Variants in NCOR2 observed in about 807,000 individuals in gnomAD.
NCOR2 encodes the protein CTG repeat protein 26.
In NCOR2, 81 loss-of-function variants were observed where a neutral mutation model predicts 262.9. The ratio of observed to expected loss-of-function variants is 0.31; its 90% CI spans 0.26 to 0.37. The LOEUF (loss-of-function observed/expected upper bound fraction) is 0.37, where lower values mean the gene tolerates loss of function less well. NCOR2 is among the 10% of genes least tolerant of loss of function. The pLI, the probability that NCOR2 is intolerant of heterozygous loss-of-function variation, is 1.00. For synonymous variants in NCOR2, 1,659 were observed against 1,559.3 expected (o/e 1.06, Z -1.51); for missense variants, 3,385 against 3,621.4 (o/e 0.93, Z 1.68).
chr12:124,362,222 G>A (rs1172671166), exon 22 of NCOR2: 1 of 1,311,712 alleles, frequency 7.6e-7, no homozygotes, highest in Non-Finnish European at 9.7e-7. Context: ...AGGTTTTGCG[G>A]TGGCGGTGGG....
chr12:124,455,807 T>C (rs1007630816), intron 6 of NCOR2, among the ~76,000 whole-genome samples: 3 of 152,224 alleles, frequency 2.0e-5, no homozygotes, highest in Non-Finnish European at 4.4e-5. Flanking sequence ...GGTCAGCCCC[T>C]TTCCTAAGGC....
intron 1 of NCOR2, among the ~76,000 whole-genome samples, chr12:124,558,344 G>A (rs1358782665): frequency 7.1e-6 from 1 of 141,492 alleles, no homozygotes; most frequent in Non-Finnish European, 1.5e-5. Flanking sequence ...GGAGGCCACA[G>A]GTGGGCAGAT....
chr12:124,325,527 C>A (rs748010582), exon 47 of NCOR2: 51 of 1,350,960 alleles, frequency 3.8e-5, no homozygotes, highest in Non-Finnish European at 4.8e-5. Context: ...GGTGGGGAAG[C>A]CATGACACCC....
At chr12:124,385,368 G>A (rs573129872) in intron 17 of NCOR2, among the ~76,000 whole-genome samples, 8 of 152,298 alleles carry the variant, frequency 5.3e-5, no homozygotes, top group East Asian at 3.9e-4. Flanking sequence ...ATTTGCCTCC[G>A]GGTCCTCATT....
intron 38 of NCOR2, 87 bp from the exon 41 acceptor site, chr12:124,335,719 AC>A (rs1208558996): frequency 3.4e-6 from 5 of 1,458,830 alleles, no homozygotes; most frequent in Non-Finnish European, 3.6e-6. Context: ...GCTGGCTGGG[AC>A]CCCGGGGGGG....
chr12:124,346,992 T>C lies in NCOR2; in HGVS notation c.4073-142A>G, dbSNP rs1283481862. 4 of 1,013,498 alleles carry C rather than the reference T, an allele frequency of 3.9e-6. No homozygotes were observed. In the African/African-American group the frequency reaches 6.7e-5, roughly 17 times the overall value. 62.8% of individuals were successfully genotyped at this position (1,013,498 alleles called of 1,614,324 possible). A position where few individuals can be genotyped will look rare whatever the true frequency, so the allele number is the denominator to read the frequency against. On this transcript the variant is annotated intron_variant, in intron 30 of 46. Coordinates refer to ENST00000405201, the Ensembl canonical transcript of NCOR2. ...GACCTTGACCAGGAAATCTGACCTCTCTGGGCCTCAGCTTCTTCACACATA... is the reference window on the plus strand; with the variant it reads ...GACCTTGACCAGGAAATCTGACCTCCCTGGGCCTCAGCTTCTTCACACATA...
At chr12:124,499,071 G>A (rs566449792), upstream of NCOR2, among the ~76,000 whole-genome samples, 8 of 152,342 alleles carry the variant, frequency 5.3e-5, no homozygotes, top group East Asian at 1.5e-3. Context: ...AGGCGGGTGT[G>A]CAGCACTGCG....
At chr12:124,402,281 T>TC in intron 14 of NCOR2, 123 bp downstream of exon 16, 3 of 1,521,404 alleles carry the variant, frequency 2.0e-6, no homozygotes, top group Middle Eastern at 2.4e-4. Flanking sequence ...CAGAAAGCCC[T>TC]CCCCCCTGCT....
intron 1 of NCOR2, among the ~76,000 whole-genome samples, chr12:124,546,653 T>C (rs1049837317): frequency 2.0e-5 from 3 of 152,090 alleles, no homozygotes; most frequent in Admixed American, 6.6e-5. Flanking sequence ...GGCCTCGAGA[T>C]CCACCCACCT....
chr12:124,520,164 G>C (rs1305361727), intron 1 of NCOR2, among the ~76,000 whole-genome samples: 1 of 152,180 alleles, frequency 6.6e-6, no homozygotes, highest in Non-Finnish European at 1.5e-5. Context: ...AACACCCCTG[G>C]GGGGTTTCCG....
intron 3 of NCOR2, among the ~76,000 whole-genome samples, chr12:124,479,832 G>A (rs2047344096): frequency 1.3e-5 from 2 of 152,226 alleles, no homozygotes; most frequent in South Asian, 2.1e-4. Flanking sequence ...GCAGGCATGG[G>A]GTGCACTCCC....
intron 34 of NCOR2, among the ~76,000 whole-genome samples, chr12:124,341,118 C>T (rs895909770): frequency 6.6e-6 from 1 of 152,210 alleles, no homozygotes; most frequent in Admixed American, 6.5e-5. Flanking sequence ...TCCAGCTGAG[C>T]CCCAGCTAGA....
At position 124,420,646 on chromosome 12, in the gene NCOR2, G is replaced by A. The variant is rs566180330; in HGVS notation, c.1384-591C>T. 3.3e-5 allele frequency among the ~76,000 whole-genome samples: 5 copies of A among 152,312 alleles called. No individual in the cohort carries two copies. In the South Asian group the frequency reaches 6.2e-4, roughly 19 times the overall value. ...TCCATGTAGATTGGGTCTGAAAGCCGGAGCAACCAGCCCTCCATGAACCCC... is the reference window on the plus strand; with the variant it reads ...TCCATGTAGATTGGGTCTGAAAGCCAGAGCAACCAGCCCTCCATGAACCCC... On this transcript the variant is annotated intron_variant, in intron 12 of 46. Transcript: ENST00000405201.
At position 124,517,876 on chromosome 12, in the gene NCOR2, G is replaced by A. The variant is rs927081163; in HGVS notation, c.-118+17689C>T. ...CCACCATCCCGCTGAGCTCAGGGCC[G>A]ACAACACTGCGCTGCCAGGGGAGGG... On this transcript the variant is annotated intron_variant, in intron 1 of 46. Coordinates refer to the NCOR2 transcript ENST00000404621. The surrounding 1 kb of genome is among the most constrained non-coding windows in gnomAD (Gnocchi z 7.6). Among the ~76,000 whole-genome samples, 6 of 152,322 alleles carry A rather than the reference G, an allele frequency of 3.9e-5. No homozygotes were observed. In the East Asian group the frequency reaches 5.8e-4, roughly 15 times the overall value.
intron 1 of NCOR2, among the ~76,000 whole-genome samples, chr12:124,565,843 A>G (rs550559942): frequency 6.6e-6 from 1 of 152,270 alleles, no homozygotes; most frequent in Non-Finnish European, 1.5e-5. Flanking sequence ...GTCAGAGTCA[A>G]ACCCCAGGAG....
At chr12:124,419,431 T>C (rs1186941648) in intron 13 of NCOR2, among the ~76,000 whole-genome samples, 1 of 152,222 alleles carries the variant, frequency 6.6e-6, no homozygotes, top group African/African-American at 2.4e-5. Flanking sequence ...AGTCCCAGTC[T>C]GCCAGCCTCT....
At chr12:124,354,891 G>T (rs764345636) in exon 25 of NCOR2, 1 of 1,612,182 alleles carries the variant, frequency 6.2e-7, no homozygotes, top group Non-Finnish European at 8.5e-7. Flanking sequence ...GGGCCCACCG[G>T]GGCCTTGGCA....
chr12:124,363,608 TTC>T lies in NCOR2; in HGVS notation c.2928+69_2928+70del, dbSNP rs1292496100. 2.2e-5 allele frequency: 28 copies of T among 1,286,820 alleles called. No individual in the cohort carries two copies. In the East Asian group the frequency reaches 3.4e-4, roughly 16 times the overall value. The allele number at this position is 1,286,820 out of a possible 1,614,324, so 79.7% of individuals were successfully genotyped here. On this transcript the variant is annotated intron_variant, in intron 21 of 46. Coordinates refer to ENST00000405201, the Ensembl canonical transcript of NCOR2. ...CAGGTGCATGCTCCCGCCCGTGGGA[TTC>T]TCTGTCTCAATGAATGGGAAAGTCA...
exon 47 of NCOR2, chr12:124,325,468 G>C (rs766809851): frequency 2.2e-6 from 3 of 1,350,766 alleles, no homozygotes; most frequent in Non-Finnish European, 2.9e-6. Flanking sequence ...CGTCCCAGGC[G>C]TGGTGGGGGC....
Sources: allele counts gnomAD v4.1 joint callset (sites outside exome capture counted in the v4.1 genomes callset), GRCh38; gene constraint gnomAD v4.1.1; non-coding constraint Gnocchi (gnomAD v3.1); transcripts MANE v1.5; gene names NCBI Gene and HGNC (gene_info 2026-07-23, HGNC 2026-07-21).